ZFPM2: variants seen among roughly 807,000 people sequenced by gnomAD.
ZFPM2 encodes the protein zinc finger protein ZFPM2.
A neutral mutation model predicts 98.6 loss-of-function variants in ZFPM2; 20 were observed. The ratio of observed to expected loss-of-function variants is 0.20; its 90% CI spans 0.14 to 0.29. The LOEUF (loss-of-function observed/expected upper bound fraction) is 0.29, where lower values mean the gene tolerates loss of function less well. Ranked by LOEUF, ZFPM2 falls within the 10% of genes least tolerant of loss-of-function variation. The probability of loss-of-function intolerance (pLI) is 1.00; values close to 1 mark genes in which losing one functional copy is unlikely to be tolerated. For synonymous variants in ZFPM2, 518 were observed against 502.7 expected, an observed-to-expected ratio of 1.03 and a Z score of -0.41; for missense variants, 1,310 against 1,388.6, an observed-to-expected ratio of 0.94 and a Z score of 0.90.
intron 5 of ZFPM2, among the ~76,000 whole-genome samples, chr8:105,694,733 T>C (rs1483325981): frequency 1.3e-5 from 2 of 152,190 alleles, no homozygotes; most frequent in Non-Finnish European, 2.9e-5. Context: ...TACTAAGTGA[T>C]ACGATTCAAT....
chr8:105,333,783 A>G (rs1203423685), intron 1 of ZFPM2, among the ~76,000 whole-genome samples: 1 of 149,322 alleles, frequency 6.7e-6, no homozygotes, highest in Non-Finnish European at 1.5e-5. Context: ...TATCTCAAAG[A>G]CTCGTAAAAT....
At chr8:105,351,657 C>G (rs1812649001) in intron 1 of ZFPM2, among the ~76,000 whole-genome samples, 1 of 152,048 alleles carries the variant, frequency 6.6e-6, no homozygotes, top group Admixed American at 6.5e-5. Flanking sequence ...CTTTTAATGA[C>G]TAAATTTGGT....
chr8:105,366,203 A>G (rs1045602626), intron 1 of ZFPM2, among the ~76,000 whole-genome samples: 5 of 152,128 alleles, frequency 3.3e-5, no homozygotes, highest in African/African-American at 1.2e-4. Flanking sequence ...TGTGTGTGGA[A>G]GTTACGGTAT....
chr8:105,510,773 G>A (rs368912858), intron 3 of ZFPM2, among the ~76,000 whole-genome samples: 2 of 152,152 alleles, frequency 1.3e-5, no homozygotes, highest in South Asian at 2.1e-4. Context: ...ATACTGGATC[G>A]TGGACTCAGG....
At chr8:105,788,548 A>C (rs183748589) in intron 5 of ZFPM2, among the ~76,000 whole-genome samples, 170 bp from the exon 6 acceptor site, 4 of 152,234 alleles carry the variant, frequency 2.6e-5, no homozygotes, top group Middle Eastern at 3.4e-3. Flanking sequence ...AAGGAGTACA[A>C]TTTTCCACAC....
rs1402517164 is a variant in ZFPM2, at chr8:105,635,984, A to G, written c.532+1627A>G. Among the ~76,000 whole-genome samples, 5 of 152,166 alleles carry G rather than the reference A, an allele frequency of 3.3e-5. No homozygotes were observed. The East Asian group carries it at 9.6e-4, about 29-fold the overall frequency. The stretch of plus-strand genomic sequence containing the variant: ...TATCTTGGAAATGAGACCCAAGTCT[A>G]AATGTGAAAGTCATTTATGTTTCAT... On this transcript the variant is annotated intron_variant, in intron 5 of 7. Coordinates refer to ENST00000407775, the MANE Select transcript of ZFPM2 (RefSeq NM_012082.4).
chr8:105,698,750 T>C (rs1723801729), intron 5 of ZFPM2, among the ~76,000 whole-genome samples: 1 of 152,194 alleles, frequency 6.6e-6, no homozygotes, highest in Non-Finnish European at 1.5e-5. Context: ...ATTGGTTATA[T>C]AGTTAAAATA....
chr8:105,431,929 A>AAAAAAAAAAAAAT (rs1812028656), intron 2 of ZFPM2, among the ~76,000 whole-genome samples: 1 of 151,774 alleles, frequency 6.6e-6, no homozygotes, highest in Non-Finnish European at 1.5e-5. Context: ...CTCAAAAAAA[A>AAAAAAAAAAAAAT]GAAAAAGAAT....
At chr8:105,585,594 C>G (rs1227858456) in intron 4 of ZFPM2, among the ~76,000 whole-genome samples, 1 of 152,140 alleles carries the variant, frequency 6.6e-6, no homozygotes, top group Non-Finnish European at 1.5e-5. Flanking sequence ...TTGAAATAGA[C>G]ATTGGTGTTG....
At chr8:105,731,571 A>C (rs945592122) in intron 5 of ZFPM2, among the ~76,000 whole-genome samples, 1 of 151,598 alleles carries the variant, frequency 6.6e-6, no homozygotes, top group African/African-American at 2.4e-5. Context: ...AATGAACTAA[A>C]AGTTTCTGAG....
intron 5 of ZFPM2, among the ~76,000 whole-genome samples, chr8:105,643,016 C>A (rs1816976499): frequency 6.6e-6 from 1 of 152,068 alleles, no homozygotes; most frequent in African/African-American, 2.4e-5. Flanking sequence ...TTCCTGAGAG[C>A]CATGTTATGG....
chr8:105,456,146 G>GTTTTTTTTT (rs200639878), intron 3 of ZFPM2, among the ~76,000 whole-genome samples: 9 of 93,282 alleles, frequency 9.6e-5, no homozygotes, highest in South Asian at 4.1e-4. Flanking sequence ...CCAGGAAAAT[G>GTTTTTTTTT]TTTTTTTTTG....
chr8:105,718,321 G>A (rs1270824414), intron 5 of ZFPM2, among the ~76,000 whole-genome samples: 1 of 151,886 alleles, frequency 6.6e-6, no homozygotes, highest in East Asian at 2.0e-4. Flanking sequence ...GTTAGTTGAT[G>A]CCAGTTTCTT....
chr8:105,732,015 G>T (rs1460787571), intron 5 of ZFPM2, among the ~76,000 whole-genome samples: 1 of 151,738 alleles, frequency 6.6e-6, no homozygotes, highest in Non-Finnish European at 1.5e-5. Flanking sequence ...ATGGAGCTGA[G>T]TGTTTTTGGT....
chr8:105,369,142 A>T (rs982868924), intron 1 of ZFPM2, among the ~76,000 whole-genome samples: 1 of 152,156 alleles, frequency 6.6e-6, no homozygotes, highest in African/African-American at 2.4e-5. Context: ...TCCTACATTT[A>T]ACTGGCTATG....
chr8:105,459,488 G>A (rs1812663384), intron 3 of ZFPM2, among the ~76,000 whole-genome samples: 1 of 152,072 alleles, frequency 6.6e-6, no homozygotes, highest in African/African-American at 2.4e-5. Flanking sequence ...GGTATGTATT[G>A]GCCTGCTCAG....
chr8:105,671,964 C>T (rs1817607210), intron 5 of ZFPM2, among the ~76,000 whole-genome samples: 1 of 152,092 alleles, frequency 6.6e-6, no homozygotes, highest in African/African-American at 2.4e-5. Flanking sequence ...TGCATTACAT[C>T]TTATATTTAT....
At chr8:105,765,461 A>G (rs754039384) in intron 5 of ZFPM2, among the ~76,000 whole-genome samples, 9 of 151,786 alleles carry the variant, frequency 5.9e-5, no homozygotes, top group Non-Finnish European at 1.3e-4. Context: ...ATTTCATTCT[A>G]GAGTTCCAGT....
intron 5 of ZFPM2, among the ~76,000 whole-genome samples, chr8:105,667,172 A>C (rs2130897127): frequency 6.6e-6 from 1 of 152,342 alleles, no homozygotes; most frequent in Admixed American, 6.5e-5. Flanking sequence ...TCATTACTTA[A>C]AGCCAATGAT....
Sources: allele counts gnomAD v4.1 joint callset (sites outside exome capture counted in the v4.1 genomes callset), GRCh38; gene constraint gnomAD v4.1.1; transcripts MANE v1.5; gene names NCBI Gene and HGNC (gene_info 2026-07-23, HGNC 2026-07-21).